The following CDH13 variants were observed in gnomAD, a reference collection of about 807,000 sequenced individuals.
The protein encoded by CDH13 is cadherin 13.
In CDH13, 24 loss-of-function variants were observed where a neutral mutation model predicts 63.8. The observed-to-expected ratio is 0.38, with a 90% confidence interval of 0.27 to 0.53. The LOEUF is 0.53. Ranked by LOEUF, CDH13 falls within the 20% of genes least tolerant of loss-of-function variation. CDH13 has a pLI of 0.85. For missense variants in CDH13, 1,049 were observed against 903.1 expected (o/e 1.16, Z -2.07); for synonymous variants, 503 against 355.3 (o/e 1.42, Z -4.67).
intron 4 of CDH13, among the ~76,000 whole-genome samples, chr16:83,185,079 C>G (rs1230391373): frequency 1.3e-5 from 2 of 152,066 alleles, no homozygotes; most frequent in Non-Finnish European, 2.9e-5. Flanking sequence ...AAGGCCGATA[C>G]TACTACTATC....
At chr16:83,657,773 C>T (rs193210877) in intron 8 of CDH13, among the ~76,000 whole-genome samples, 74 of 152,330 alleles carry the variant, frequency 4.9e-4, no homozygotes, top group Non-Finnish European at 8.4e-4. Flanking sequence ...AGCAAGAATT[C>T]GCAACATTCC....
chr16:83,524,750 C>T (rs1213678137), intron 7 of CDH13, among the ~76,000 whole-genome samples: 3 of 152,104 alleles, frequency 2.0e-5, no homozygotes, highest in African/African-American at 4.8e-5. Context: ...CCTCGCCCGG[C>T]CAAATTGCAT....
In CDH13 at chr16:83,540,602, C is replaced by T. The variant is rs190337922; in HGVS notation, c.960+53947C>T. Among the ~76,000 whole-genome samples the T allele has an allele frequency of 5.7e-4, 87 of 152,258 alleles. 1 individual carries two copies. Among genetic ancestry groups the T allele is most frequent in the African/African-American group, 2.0e-3 (83 of 41,540 alleles). On this transcript the variant is annotated intron_variant, in intron 7 of 13. Transcript: ENST00000567109. ...TTAAGTTTCCATTTCTACGTTTGTC[C>T]CTTTGTTCAGTCTCGTAATGACACT...
At chr16:83,692,267 C>T (rs1370528065) in intron 10 of CDH13, among the ~76,000 whole-genome samples, 2 of 152,202 alleles carry the variant, frequency 1.3e-5, no homozygotes, top group South Asian at 2.1e-4. Context: ...ATCATTGCTG[C>T]CAGATGCCTG....
rs561962208 is a variant in CDH13, at chr16:82,802,258, G to T, written c.46-56104G>T. ...CTTCTAAGAAGAAGACGTGGAGATC[G>T]TGAGAATAGTGAGTGCTCACAGTAT... On this transcript the variant is annotated intron_variant, in intron 1 of 13. Coordinates refer to ENST00000567109, the MANE Select transcript of CDH13 (RefSeq NM_001257.5). Among the ~76,000 whole-genome samples the T allele has an allele frequency of 2.8e-4, 43 of 152,040 alleles. 2 individuals are homozygous for T. In the South Asian group the frequency reaches 9.0e-3, roughly 32 times the overall value.
At chr16:83,222,137 A>T (rs928400400) in intron 5 of CDH13, among the ~76,000 whole-genome samples, 2 of 152,172 alleles carry the variant, frequency 1.3e-5, no homozygotes. Flanking sequence ...AACTGGAACC[A>T]CCTGTGTTCC....
At chr16:83,118,064 G>A (rs1437007315) in intron 3 of CDH13, among the ~76,000 whole-genome samples, 3 of 152,146 alleles carry the variant, frequency 2.0e-5, no homozygotes. Flanking sequence ...ACACAACACT[G>A]CCCCTGTGAT....
At chr16:82,914,169 C>T in intron 2 of CDH13, among the ~76,000 whole-genome samples, 1 of 152,106 alleles carries the variant, frequency 6.6e-6, no homozygotes. Context: ...CTTCACTAGA[C>T]TCTAGGGCAG....
chr16:83,715,101 C>G (rs1260650638), intron 10 of CDH13, among the ~76,000 whole-genome samples: 1 of 152,122 alleles, frequency 6.6e-6, no homozygotes, highest in Non-Finnish European at 1.5e-5. Flanking sequence ...TCATGCATGC[C>G]TTTGCTCATA....
Position 83,516,512 on chromosome 16 carries a change from C to G in CDH13, c.960+29857C>G, listed in dbSNP as rs549140309. 9.3e-4 allele frequency among the ~76,000 whole-genome samples: 142 copies of G among 152,288 alleles called. 1 individual carries two copies. The Middle Eastern group carries it at 0.027, about 29-fold the overall frequency. Reference sequence around the variant, plus strand: ...GTTACAGAAAGCAATTTGTGGGAAACAATTCTCTACAGTATGACTTATAGA... The same window carrying G: ...GTTACAGAAAGCAATTTGTGGGAAAGAATTCTCTACAGTATGACTTATAGA... On this transcript the variant is annotated intron_variant, in intron 7 of 13. Transcript: ENST00000567109.
intron 3 of CDH13, among the ~76,000 whole-genome samples, chr16:83,059,856 A>T (rs1359146933): frequency 7.2e-6 from 1 of 139,592 alleles, no homozygotes; most frequent in Admixed American, 7.8e-5. Context: ...GTGCAGTGGC[A>T]GGATCTTGGC....
intron 6 of CDH13, among the ~76,000 whole-genome samples, chr16:83,399,812 C>T (rs367779722): frequency 3.3e-5 from 5 of 152,250 alleles, no homozygotes; most frequent in African/African-American, 9.6e-5. Context: ...CCCCCCGCCG[C>T]ATTTAGCACA....
chr16:83,466,510 C>G (rs1032906964), intron 6 of CDH13, among the ~76,000 whole-genome samples: 1 of 152,190 alleles, frequency 6.6e-6, no homozygotes, highest in African/African-American at 2.4e-5. Context: ...GGGAGGAAAA[C>G]TGCAAACATC....
chr16:82,811,176 G>A (rs996327333), intron 1 of CDH13, among the ~76,000 whole-genome samples: 6 of 152,286 alleles, frequency 3.9e-5, no homozygotes, highest in South Asian at 4.1e-4. Context: ...TGTCAAAGCT[G>A]ATTACGCGAA....
intron 6 of CDH13, among the ~76,000 whole-genome samples, chr16:83,366,860 C>A (rs1240418777): frequency 6.6e-6 from 1 of 152,176 alleles, no homozygotes; most frequent in African/African-American, 2.4e-5. Flanking sequence ...TGATTTATCA[C>A]ATACTGTGCG....
At chr16:82,674,580 G>T (rs1913677716) in intron 1 of CDH13, among the ~76,000 whole-genome samples, 1 of 152,176 alleles carries the variant, frequency 6.6e-6, no homozygotes, top group African/African-American at 2.4e-5. Flanking sequence ...AGAAGTCCTT[G>T]GATCAGGTAC....
In CDH13 at chr16:82,902,175, A is replaced by T. The variant is rs2151245547; in HGVS notation, c.157+43702A>T. ...ATGTGAGGTGATTTGTTAAAAGCTT[A>T]AGAGACTGCCATTTTTCATGATATG... On this transcript the variant is annotated intron_variant, in intron 2 of 13. Coordinates refer to ENST00000567109, the MANE Select transcript of CDH13 (RefSeq NM_001257.5). Among the ~76,000 whole-genome samples, 3 of 152,308 alleles carry T rather than the reference A, an allele frequency of 2.0e-5. No homozygotes were observed. In the South Asian group the frequency reaches 6.2e-4, roughly 32 times the overall value.
At chr16:83,653,310 C>T (rs1344539151) in intron 8 of CDH13, among the ~76,000 whole-genome samples, 1 of 152,202 alleles carries the variant, frequency 6.6e-6, no homozygotes. Context: ...GTATGTGAAT[C>T]ATAGCGCAAT....
intron 2 of CDH13, among the ~76,000 whole-genome samples, chr16:82,999,281 C>T (rs975498058): frequency 3.3e-5 from 5 of 152,124 alleles, no homozygotes; most frequent in African/African-American, 1.2e-4. Flanking sequence ...TCCCAAAGCT[C>T]CTATGGCTCA....
Sources: gnomAD v4.1 joint callset for allele counts (sites outside exome capture counted in the v4.1 genomes callset) on GRCh38, gnomAD v4.1.1 for gene constraint, MANE v1.5 for transcripts, NCBI Gene and HGNC (gene_info 2026-07-23, HGNC 2026-07-21) for gene names.